CLEC1A: variants seen among roughly 807,000 people sequenced by gnomAD.
CLEC1A encodes the protein C-type lectin domain family 1 member A, also known as C-type lectin-like receptor-1.
CLEC1A carries 34 observed loss-of-function variants against 28.7 expected under a neutral mutation model. The observed-to-expected ratio is 1.18, with a 90% CI of 0.90 to 1.57. The LOEUF is 1.57. Ranked by LOEUF, CLEC1A falls within the 40% of genes most tolerant of loss-of-function variation. The pLI is 0.00. For missense variants in CLEC1A, 385 were observed against 339.5 expected (o/e 1.13, Z -1.05); for synonymous variants, 116 against 121.0 (o/e 0.96, Z 0.27).
chr12:10,091,399 T>C (rs1175969057), intron 1 of CLEC1A, among the ~76,000 whole-genome samples: 1 of 148,556 alleles, frequency 6.7e-6, no homozygotes, highest in African/African-American at 2.6e-5. Context: ...GTTTTTGTTT[T>C]TGTTTTTTTT....
At chr12:10,097,853 G>A (rs537208800) in intron 1 of CLEC1A, among the ~76,000 whole-genome samples, 7 of 128,306 alleles carry the variant, frequency 5.5e-5, no homozygotes, top group African/African-American at 2.0e-4. Context: ...TTGTCACTTA[G>A]CTTCATTTCA....
chr12:10,084,821 CAAAAAAA>C (rs57574014), intron 2 of CLEC1A, among the ~76,000 whole-genome samples: 3 of 83,738 alleles, frequency 3.6e-5, no homozygotes, highest in Non-Finnish European at 7.2e-5. Flanking sequence ...GACTCTGTAT[CAAAAAAA>C]AAAAAAAAAA....
intron 4 of CLEC1A, among the ~76,000 whole-genome samples, chr12:10,074,546 G>A (rs1353090187): frequency 2.6e-5 from 4 of 152,292 alleles, no homozygotes; most frequent in South Asian, 4.1e-4. Flanking sequence ...ATATAGTTCA[G>A]TTTTATACCT....
chr12:10,086,588 C>A (rs1866496946), intron 2 of CLEC1A, among the ~76,000 whole-genome samples: 1 of 151,992 alleles, frequency 6.6e-6, no homozygotes, highest in Admixed American at 6.6e-5. Flanking sequence ...AAATATACAA[C>A]CCTCCTAGAT....
At chr12:10,073,875 CTT>C (rs1440126090) in intron 4 of CLEC1A, among the ~76,000 whole-genome samples, 1 of 152,124 alleles carries the variant, frequency 6.6e-6, no homozygotes. Flanking sequence ...TGATTTATGT[CTT>C]AGACTAGGAA....
chr12:10,085,536 TAA>T (rs71049044), intron 2 of CLEC1A, among the ~76,000 whole-genome samples: 47 of 128,718 alleles, frequency 3.7e-4, no homozygotes, highest in African/African-American at 8.8e-4. Context: ...GCAAAAACAG[TAA>T]AAAAAAAAAA....
intron 1 of CLEC1A, among the ~76,000 whole-genome samples, chr12:10,095,886 T>C (rs1219848575): frequency 6.6e-6 from 1 of 152,190 alleles, no homozygotes; most frequent in African/African-American, 2.4e-5. Flanking sequence ...TATTCATCCC[T>C]GGTAGCTCCT....
chr12:10,073,614 AATATGGAACACATGTCG>A (rs1431504895), intron 4 of CLEC1A, among the ~76,000 whole-genome samples: 4 of 152,244 alleles, frequency 2.6e-5, no homozygotes, highest in Non-Finnish European at 5.9e-5. Flanking sequence ...TGTCTTAGTA[AATATGGAACACATGTCG>A]ATATTCTGAA....
chr12:10,070,735 A>C lies in CLEC1A; in HGVS notation c.*598T>G, dbSNP rs1866107925. 1 of 152,218 alleles carries C rather than the reference A, an allele frequency of 6.6e-6. No homozygotes were observed. The highest frequency in any genetic ancestry group is 1.5e-5 in the Non-Finnish European group (1 of 68,050). The allele number at this position is 152,218 out of a possible 1,614,324, so 9.4% of individuals were successfully genotyped here. A position where few individuals can be genotyped will look rare whatever the true frequency, so the allele number is the denominator to read the frequency against. On this transcript the variant is annotated 3_prime_UTR_variant, in exon 6 of 6. Transcript: ENST00000315330. ...TTATCAGAGTCTTAATGGACACAGG[A>C]AGGAATGCTTATAAGGCATTGAGAT...
rs1172107811 is a variant in CLEC1A, at chr12:10,070,157, A to G, written c.*1176T>C. 1.3e-5 allele frequency: 2 copies of G among 152,212 alleles called. No homozygotes were observed. The highest frequency in any genetic ancestry group is 4.8e-5 in the African/African-American group (2 of 41,448). The allele number at this position is 152,212 out of a possible 1,614,324, so 9.4% of individuals were successfully genotyped here. A position where few individuals can be genotyped will look rare whatever the true frequency, so the allele number is the denominator to read the frequency against. On this transcript the variant is annotated 3_prime_UTR_variant, in exon 6 of 6. Transcript: ENST00000315330. ...ACAAAGGAGCAGCTACAAAGATGTCACTGTCTCTGTTCATTTCCCATGACC... is the reference window on the plus strand; with the variant it reads ...ACAAAGGAGCAGCTACAAAGATGTCGCTGTCTCTGTTCATTTCCCATGACC...
chr12:10,081,523 G>T, intron 2 of CLEC1A, 110 bp from the exon 3 acceptor site: 1 of 754,430 alleles, frequency 1.3e-6, no homozygotes, highest in Non-Finnish European at 2.0e-6. Context: ...CAGGCTCTGA[G>T]TTCTCATATT....
In CLEC1A at chr12:10,071,425, C is replaced by T; in HGVS notation, c.751G>A (p.Glu251Lys). 2 of 1,614,028 alleles carry T rather than the reference C, an allele frequency of 1.2e-6. No individual in the cohort carries two copies. Among genetic ancestry groups the T allele is most frequent in the Non-Finnish European group, 1.7e-6 (2 of 1,179,908 alleles). Residue 251 changes from glutamate to lysine, a missense_variant, in exon 6 of 6, where the codon GAA (glutamate) becomes AAA (lysine). Transcript: ENST00000315330. ...CTCTCACAGACACAACGCTTCAATT[C>T]TTTGCAGTCCTTTGAGAAGATCATC... ...NGMIFSKDCK[E>K]LKRCVCERRA...
chr12:10,081,025 A>G (rs1311923396), intron 3 of CLEC1A, among the ~76,000 whole-genome samples: 2 of 152,194 alleles, frequency 1.3e-5, no homozygotes, highest in African/African-American at 4.8e-5. Context: ...TTGTTTTAAA[A>G]TGTCTGCATT....
intron 1 of CLEC1A, among the ~76,000 whole-genome samples, chr12:10,097,594 T>G (rs1222093943): frequency 6.6e-6 from 1 of 152,054 alleles, no homozygotes; most frequent in African/African-American, 2.4e-5. Flanking sequence ...GCTAGTGTTT[T>G]ATCTTGCTCC....
At chr12:10,096,385 T>G (rs1406942828) in intron 1 of CLEC1A, among the ~76,000 whole-genome samples, 1 of 152,198 alleles carries the variant, frequency 6.6e-6, no homozygotes, top group African/African-American at 2.4e-5. Flanking sequence ...ATCTTTCATA[T>G]CTGATTCTTT....
At chr12:10,077,060 G>A (rs1390551667) in intron 3 of CLEC1A, among the ~76,000 whole-genome samples, 1 of 152,134 alleles carries the variant, frequency 6.6e-6, no homozygotes, top group Non-Finnish European at 1.5e-5. Context: ...TCTCCTACTT[G>A]TAGGGGAATT....
chr12:10,072,623 C>T (rs1340111867), intron 5 of CLEC1A, among the ~76,000 whole-genome samples: 2 of 146,266 alleles, frequency 1.4e-5, no homozygotes, highest in Non-Finnish European at 3.0e-5. Context: ...AATTTACTCA[C>T]TCAGGGAAAG....
At chr12:10,078,758 T>A (rs940148022) in intron 3 of CLEC1A, among the ~76,000 whole-genome samples, 3 of 152,134 alleles carry the variant, frequency 2.0e-5, no homozygotes, top group African/African-American at 7.2e-5. Context: ...TGGAATTTGA[T>A]CCTCAGTGCT....
intron 1 of CLEC1A, among the ~76,000 whole-genome samples, chr12:10,096,027 C>A (rs545946375): frequency 1.1e-3 from 168 of 152,234 alleles, no homozygotes; most frequent in African/African-American, 3.9e-3. Context: ...CACTCTCATA[C>A]ATTTTAGTTA....
Sources: allele counts gnomAD v4.1 joint callset (sites outside exome capture counted in the v4.1 genomes callset), GRCh38; gene constraint gnomAD v4.1.1; transcripts MANE v1.5; gene names NCBI Gene and HGNC (gene_info 2026-07-23, HGNC 2026-07-21).